CCDC80: variants seen among roughly 807,000 people sequenced by gnomAD.
CCDC80 encodes coiled-coil domain-containing protein 80.
Under a neutral mutation model 78.7 loss-of-function variants are expected in CCDC80, and 49 were observed. That is an observed-to-expected ratio of 0.62 (90% CI 0.50 to 0.79). The LOEUF (loss-of-function observed/expected upper bound fraction) is 0.79. Among genes scored for constraint, CCDC80 ranks in the 30% least tolerant of loss-of-function variants. The probability of loss-of-function intolerance (pLI) is 0.00; values close to 1 mark genes in which losing one functional copy is unlikely to be tolerated. For missense variants in CCDC80, 1,205 were observed against 1,198.6 expected (o/e 1.01, Z -0.08); for synonymous variants, 488 against 447.0 (o/e 1.09, Z -1.16).
chr3:112,609,488 G>C (rs1935582256), intron 6 of CCDC80, among the ~76,000 whole-genome samples: 1 of 152,058 alleles, frequency 6.6e-6, no homozygotes, highest in Non-Finnish European at 1.5e-5. Context: ...CTTTCACTAA[G>C]TCTTCTGAGT....
chr3:112,639,886 G>A lies in CCDC80; in HGVS notation c.20C>T (p.Pro7Leu). MTWRMG[P>L]RFTMLLAMWL... ...CATGGCCAACAGCATAGTGAAACGG[G>A]GTCCCATTCTCCATGTCATTGTGTA... The change falls in exon 2 of 8, where the codon CCC becomes CTC. Residue 7 changes from proline to leucine, a missense_variant. Coordinates refer to ENST00000206423, the MANE Select transcript of CCDC80 (RefSeq NM_199511.3). 1 of 1,614,034 alleles carries A rather than the reference G, an allele frequency of 6.2e-7. No homozygotes were observed. Among genetic ancestry groups the A allele is most frequent in the Non-Finnish European group, 8.5e-7 (1 of 1,179,934 alleles).
In CCDC80 at chr3:112,608,687, T is replaced by C. The variant is rs1935562395; in HGVS notation, c.2425+1291A>G. Among the ~76,000 whole-genome samples the C allele has an allele frequency of 3.3e-5, 5 of 152,216 alleles. No individual in the cohort carries two copies. In the South Asian group the frequency reaches 8.3e-4, roughly 25 times the overall value. Reference sequence around the variant, plus strand: ...TTTCTATCTTAACTGGCCACATTGGTGGCTATAAATAATTTAAAGTGTGCT... The same window carrying C: ...TTTCTATCTTAACTGGCCACATTGGCGGCTATAAATAATTTAAAGTGTGCT... On this transcript the variant is annotated intron_variant, in intron 6 of 7. Coordinates refer to ENST00000206423, the MANE Select transcript of CCDC80 (RefSeq NM_199511.3).
rs138869023 is a variant in CCDC80, at chr3:112,630,807, T to G, written c.1879-538A>C. Among the ~76,000 whole-genome samples, 213 of 152,332 alleles carry G rather than the reference T, an allele frequency of 1.4e-3. 1 individual carries two copies. The highest frequency in any genetic ancestry group is 5.1e-3 in the African/African-American group (210 of 41,572). On this transcript the variant is annotated intron_variant, in intron 2 of 7. Coordinates refer to ENST00000206423, the MANE Select transcript of CCDC80 (RefSeq NM_199511.3). ...AAAACCTTGCAGAAAGGTTTTATGA[T>G]GACTTTTAGGCCTACGTTTTGTCAC...
At chr3:112,628,639 C>T (rs575321498) in intron 3 of CCDC80, among the ~76,000 whole-genome samples, 11 of 152,244 alleles carry the variant, frequency 7.2e-5, no homozygotes, top group Admixed American at 6.5e-4. Context: ...ATCTGTCTGT[C>T]TCCAGAATTC....
intron 6 of CCDC80, among the ~76,000 whole-genome samples, chr3:112,607,924 G>A (rs539615704): frequency 1.3e-5 from 2 of 152,368 alleles, no homozygotes; most frequent in South Asian, 2.1e-4. Context: ...AATTGTGATG[G>A]TTAAAGAAAT....
At chr3:112,631,196 C>A (rs1161190170) in intron 2 of CCDC80, among the ~76,000 whole-genome samples, 2 of 152,180 alleles carry the variant, frequency 1.3e-5, no homozygotes, top group African/African-American at 4.8e-5. Flanking sequence ...CTTCTCTACT[C>A]TCTTGATTAA....
intron 2 of CCDC80, among the ~76,000 whole-genome samples, chr3:112,632,850 G>A (rs56114706): frequency 0.24 from 36,892 of 152,080 alleles, 5,030 homozygotes; most frequent in Middle Eastern, 0.43. Flanking sequence ...TTCTGGCCCC[G>A]GGCTCTCTTT....
At chr3:112,619,310 T>C (rs1193393923) in intron 3 of CCDC80, among the ~76,000 whole-genome samples, 2 of 152,214 alleles carry the variant, frequency 1.3e-5, no homozygotes, top group African/African-American at 4.8e-5. Flanking sequence ...GCTACTCTTC[T>C]ATAGATGATC....
chr3:112,615,482 A>G (rs1559876423), intron 5 of CCDC80, among the ~76,000 whole-genome samples: 1 of 152,052 alleles, frequency 6.6e-6, no homozygotes, highest in Non-Finnish European at 1.5e-5. Flanking sequence ...CCAAAGTCTC[A>G]GTAGAAGTTT....
chr3:112,614,962 G>T (rs1490162661), intron 5 of CCDC80, among the ~76,000 whole-genome samples: 1 of 152,134 alleles, frequency 6.6e-6, no homozygotes, highest in Non-Finnish European at 1.5e-5. Flanking sequence ...GTAAAACTAG[G>T]GAATGAAGGT....
At chr3:112,616,948 G>T in intron 4 of CCDC80, 90 bp from the exon 5 acceptor site, 1 of 1,317,468 alleles carries the variant, frequency 7.6e-7, no homozygotes, top group Non-Finnish European at 1.1e-6. Flanking sequence ...ATTCAGAGGA[G>T]CTCTGGGGAA....
At position 112,638,784 on chromosome 3, in the gene CCDC80, T is replaced by A. The variant is rs1936268818; in HGVS notation, c.1122A>T (p.Arg374Ser). Residue 374 changes from arginine (R) to serine (S), a missense_variant, in exon 2 of 8, where the codon AGA becomes AGT. Physicochemically the swap from Arg to Ser is moderately radical, Grantham distance 110. Coordinates refer to ENST00000206423, the MANE Select transcript of CCDC80 (RefSeq NM_199511.3). ...STSRAVTVAA[R>S]PMTTTAFPTT... Reference sequence around the variant, plus strand: ...TGGGAAAGGCAGTGGTGGTCATAGGTCTTGCAGCAACTGTTACCGCCCGGG... The same window carrying A: ...TGGGAAAGGCAGTGGTGGTCATAGGACTTGCAGCAACTGTTACCGCCCGGG... 1 of 1,613,480 alleles carries A rather than the reference T, an allele frequency of 6.2e-7. No homozygotes were observed. The highest frequency in any genetic ancestry group is 1.3e-5 in the African/African-American group (1 of 74,748).
rs1326254912 is a variant in CCDC80 at position 112,602,497 on chromosome 3, TG to T, written c.*2919del. The T allele has an allele frequency of 1.3e-5, 2 of 152,152 alleles. No individual in the cohort carries two copies. Among genetic ancestry groups the T allele is most frequent in the East Asian group, 3.8e-4 (2 of 5,200 alleles). 9.4% of individuals were successfully genotyped at this position (152,152 alleles called of 1,614,324 possible). On this transcript the variant is annotated 3_prime_UTR_variant, in exon 8 of 8. Transcript: ENST00000206423. ...TTATGCCAAACAACCAAGTTGTAAA[TG>T]CAAAGGAAAAGTTCTTGAAGGAAAT... is the stretch of plus-strand genomic sequence containing the variant.
At position 112,603,870 on chromosome 3, in the gene CCDC80, A is replaced by T. The variant is rs1935419474; in HGVS notation, c.*1547T>A. On this transcript the variant is annotated 3_prime_UTR_variant, in exon 8 of 8. Transcript: ENST00000206423. ...TAAGAACATCGTGATTCATGGGAGAAGGTCAAAATAGGAAGATCAATGAGT... is the reference window on the plus strand; with the variant it reads ...TAAGAACATCGTGATTCATGGGAGATGGTCAAAATAGGAAGATCAATGAGT... 1 of 152,190 alleles carries T rather than the reference A, an allele frequency of 6.6e-6. No individual in the cohort carries two copies. Among genetic ancestry groups the T allele is most frequent in the Non-Finnish European group, 1.5e-5 (1 of 68,054 alleles). The allele number at this position is 152,190 out of a possible 1,614,324, so 9.4% of individuals were successfully genotyped here.
In CCDC80 at chr3:112,638,834, C is replaced by A; in HGVS notation, c.1072G>T (p.Ala358Ser). 3 of 1,613,736 alleles carry A rather than the reference C, an allele frequency of 1.9e-6. No individual in the cohort carries two copies. The highest frequency in any genetic ancestry group is 2.5e-6 in the Non-Finnish European group (3 of 1,180,006). Residue 358 changes from alanine to serine, a missense_variant, in exon 2 of 8, where the codon GCC becomes TCC. Physicochemically the swap from Ala to Ser is moderately conservative, Grantham distance 99. Transcript: ENST00000206423. ...PRATTLPPAP[A>S]TTVTRSTSRA... The stretch of plus-strand genomic sequence containing the variant: ...GACGTGGACCGAGTCACTGTTGTGG[C>A]TGGGGCAGGAGGAAGGGTGGTGGCT...
In CCDC80 at chr3:112,605,302, C is replaced by T; in HGVS notation, c.*115G>A. ...TGCTATTTATTTAGTCTTAGAAAAA[C>T]ACTGAAAGAAAAAGGCAGGAAATGT... On this transcript the variant is annotated 3_prime_UTR_variant, in exon 8 of 8. Transcript: ENST00000206423. 2 of 661,864 alleles carry T rather than the reference C, an allele frequency of 3.0e-6. No homozygotes were observed. Among genetic ancestry groups the T allele is most frequent in the Non-Finnish European group, 2.5e-6 (1 of 397,722 alleles). 41.0% of individuals were successfully genotyped at this position (661,864 alleles called of 1,614,324 possible).
chr3:112,616,742 G>A lies in CCDC80; in HGVS notation c.2289C>T (p.Asp763=), dbSNP rs1935759067. Residue 763 remains aspartate, a synonymous_variant, in exon 5 of 8, where the codon GAC becomes GAT. Transcript: ENST00000206423. ...QKKEGIVCKE[D]KKQSLENFLS... ...GGAAGTTCTCCAGGGACTGCTTTTT[G>A]TCCTCTTTGCAAACAATGCCCTCCT... 1.9e-6 allele frequency: 3 copies of A among 1,613,968 alleles called. No individual in the cohort carries two copies. The highest frequency in any genetic ancestry group is 3.3e-5 in the Admixed American group (2 of 60,000).
At chr3:112,634,567 C>G (rs1936167888) in intron 2 of CCDC80, among the ~76,000 whole-genome samples, 1 of 152,118 alleles carries the variant, frequency 6.6e-6, no homozygotes, top group South Asian at 2.1e-4. Flanking sequence ...TTTGGAAAGC[C>G]AGAGAATTGA....
At chr3:112,629,047 T>C (rs1363133970) in intron 3 of CCDC80, among the ~76,000 whole-genome samples, 1 of 152,184 alleles carries the variant, frequency 6.6e-6, no homozygotes, top group African/African-American at 2.4e-5. Context: ...TCAAATCAAG[T>C]TGACATTATC....
Sources: gnomAD v4.1 joint callset for allele counts (sites outside exome capture counted in the v4.1 genomes callset) on GRCh38, gnomAD v4.1.1 for gene constraint, MANE v1.5 for transcripts, NCBI Gene and HGNC (gene_info 2026-07-23, HGNC 2026-07-21) for gene names.